The following RYR3 variants were observed in gnomAD, a reference collection of about 807,000 sequenced individuals.
The protein encoded by RYR3 is ryanodine receptor 3.
In RYR3, 207 loss-of-function variants were observed where a neutral mutation model predicts 584.3. The observed-to-expected ratio is 0.35, with a 90% confidence interval of 0.32 to 0.40. The LOEUF is 0.40. Among genes scored for constraint, RYR3 ranks in the 10% least tolerant of loss-of-function variants. The probability of loss-of-function intolerance (pLI) is 1.00; values close to 1 mark genes in which losing one functional copy is unlikely to be tolerated. For synonymous variants in RYR3, 2,416 were observed against 2,248.5 expected, an observed-to-expected ratio of 1.07 and a Z score of -2.11; for missense variants, 5,616 against 6,089.2, an observed-to-expected ratio of 0.92 and a Z score of 2.59.
chr15:33,830,956 T>C lies in RYR3; in HGVS notation c.11335-7T>C, dbSNP rs776006564. On this transcript the variant is annotated splice_region_variant and splice_polypyrimidine_tract_variant and intron_variant, in intron 85 of 103. Coordinates refer to ENST00000634891, the MANE Select transcript of RYR3 (RefSeq NM_001036.6). ...AGAAATACTAAGCTCTACTCATTTGTTTTTAGGAATCAATCAGTGATTTCT... is the reference window on the plus strand; with the variant it reads ...AGAAATACTAAGCTCTACTCATTTGCTTTTAGGAATCAATCAGTGATTTCT... 1.9e-6 allele frequency: 3 copies of C among 1,612,540 alleles called. No homozygotes were observed. The highest frequency in any genetic ancestry group is 2.2e-5 in the South Asian group (2 of 90,826).
intron 1 of RYR3, among the ~76,000 whole-genome samples, chr15:33,403,384 A>G (rs1380258197): frequency 2.0e-5 from 3 of 152,192 alleles, no homozygotes; most frequent in Non-Finnish European, 4.4e-5. Context: ...AAGCTATGAA[A>G]CTAACTTCAC....
intron 98 of RYR3, chr15:33,855,737 A>G (rs1397411977): frequency 3.3e-5 from 5 of 152,218 alleles, no homozygotes; most frequent in Non-Finnish European, 1.5e-5. Flanking sequence ...GTGTATATAC[A>G]TTATATAGTT....
At chr15:33,695,386 G>C (rs1402779217) in intron 38 of RYR3, among the ~76,000 whole-genome samples, 1 of 152,172 alleles carries the variant, frequency 6.6e-6, no homozygotes, top group Admixed American at 6.5e-5. Flanking sequence ...GCTGTTTTGA[G>C]TCCCAGTTCA....
chr15:33,717,338 C>T (rs2152802180), intron 43 of RYR3, among the ~76,000 whole-genome samples: 1 of 152,256 alleles, frequency 6.6e-6, no homozygotes, highest in East Asian at 1.9e-4. Flanking sequence ...TATGTAATTA[C>T]CACCCAAAAC....
intron 19 of RYR3, among the ~76,000 whole-genome samples, chr15:33,614,800 A>G (rs1409777652): frequency 6.6e-6 from 1 of 151,372 alleles, no homozygotes; most frequent in Non-Finnish European, 1.5e-5. Context: ...GTTTTTTCCT[A>G]TTGTTTTTTG....
chr15:33,376,932 T>TA (rs1193393108), intron 1 of RYR3, among the ~76,000 whole-genome samples: 1 of 152,214 alleles, frequency 6.6e-6, no homozygotes, highest in African/African-American at 2.4e-5. Flanking sequence ...ATTGACCACA[T>TA]ATGTGTGGGC....
At chr15:33,601,149 G>C (rs1035148709) in intron 16 of RYR3, among the ~76,000 whole-genome samples, 1 of 152,138 alleles carries the variant, frequency 6.6e-6, no homozygotes, top group Admixed American at 6.5e-5. Flanking sequence ...AATGGCCACC[G>C]ATGGTTTGCA....
At chr15:33,654,542 A>T (rs2062709101) in intron 32 of RYR3, among the ~76,000 whole-genome samples, 1 of 151,890 alleles carries the variant, frequency 6.6e-6, no homozygotes, top group African/African-American at 2.4e-5. Flanking sequence ...TTTCATGGGT[A>T]GAAGGAGAAG....
chr15:33,796,880 T>A (rs1259682947), intron 67 of RYR3, among the ~76,000 whole-genome samples: 1 of 152,212 alleles, frequency 6.6e-6, no homozygotes, highest in East Asian at 1.9e-4. Context: ...CCTGCATTTT[T>A]AAAAAGTGGG....
chr15:33,843,194 C>T (rs1165534386), intron 91 of RYR3, among the ~76,000 whole-genome samples: 3 of 152,190 alleles, frequency 2.0e-5, no homozygotes, highest in Non-Finnish European at 2.9e-5. Context: ...TTGGCGGGCG[C>T]CTGTAGTCCC....
chr15:33,486,528 T>C (rs1458518735), intron 2 of RYR3, among the ~76,000 whole-genome samples: 1 of 152,164 alleles, frequency 6.6e-6, no homozygotes, highest in Non-Finnish European at 1.5e-5. Context: ...GGGTTAGGAA[T>C]TCAACATATC....
At chr15:33,859,421 G>A (rs1460370893) in intron 99 of RYR3, among the ~76,000 whole-genome samples, 154 bp from the exon 100 acceptor site, 2 of 152,218 alleles carry the variant, frequency 1.3e-5, no homozygotes, top group African/African-American at 4.8e-5. Flanking sequence ...GCAGTGGACA[G>A]CAGCTAGCAG....
intron 94 of RYR3, among the ~76,000 whole-genome samples, chr15:33,848,826 CTTTTT>C (rs769204969): frequency 6.6e-5 from 5 of 75,248 alleles, no homozygotes; most frequent in African/African-American, 1.8e-4. Flanking sequence ...CTGAAGTCCT[CTTTTT>C]TTTTTTTTTT....
chr15:33,757,547 C>A lies in RYR3; in HGVS notation c.8656C>A (p.Leu2886Ile). The A allele has an allele frequency of 6.2e-7, 1 of 1,611,716 alleles. No individual in the cohort carries two copies. The highest frequency in any genetic ancestry group is 2.2e-5 in the East Asian group (1 of 44,786). The change falls in exon 60 of 104, where the codon CTT becomes ATT. Residue 2886 changes from leucine (L) to isoleucine (I), a missense_variant. Coordinates refer to ENST00000634891, the MANE Select transcript of RYR3 (RefSeq NM_001036.6). ...CTTCTTGTCATCCCCTCTGAAGCCC[C>A]TTAGCAGCAGCGGATATGCCTCCCA... The part of the protein sequence containing the change: ...LYFLSSPLKP[L>I]SSSGYASHKE...
At chr15:33,831,748 T>A (rs2077689062) in intron 86 of RYR3, among the ~76,000 whole-genome samples, 1 of 152,216 alleles carries the variant, frequency 6.6e-6, no homozygotes, top group Non-Finnish European at 1.5e-5. Context: ...TAATTTGCTA[T>A]AAAATTAGTA....
At chr15:33,666,989 A>C (rs1473669671) in intron 36 of RYR3, among the ~76,000 whole-genome samples, 1 of 152,244 alleles carries the variant, frequency 6.6e-6, no homozygotes, top group African/African-American at 2.4e-5. Flanking sequence ...TTTAATCGAC[A>C]ACAAATCAGC....
intron 1 of RYR3, chr15:33,467,342 A>G: frequency 9.9e-6 from 2 of 202,708 alleles, no homozygotes; most frequent in Non-Finnish European, 1.7e-5. Context: ...TCTACCTTAA[A>G]TAGGGCTGTC....
chr15:33,330,401 T>C (rs1480932836), intron 1 of RYR3, among the ~76,000 whole-genome samples: 1 of 152,074 alleles, frequency 6.6e-6, no homozygotes, highest in Non-Finnish European at 1.5e-5. Flanking sequence ...CATCATGCCA[T>C]TTTTTGCCTC....
intron 74 of RYR3, among the ~76,000 whole-genome samples, chr15:33,814,911 A>AAT (rs1364788368): frequency 6.7e-6 from 1 of 149,854 alleles, no homozygotes; most frequent in Non-Finnish European, 1.5e-5. Context: ...AAAAAAAAAA[A>AAT]AAAAAAAAAT....
Sources: allele counts gnomAD v4.1 joint callset (sites outside exome capture counted in the v4.1 genomes callset), GRCh38; gene constraint gnomAD v4.1.1; transcripts MANE v1.5; gene names NCBI Gene and HGNC (gene_info 2026-07-23, HGNC 2026-07-21).